The following KLHL29 variants were observed in gnomAD, a reference collection of about 807,000 sequenced individuals.
KLHL29 encodes the protein kelch like family member 29, also known as kelch-like protein 29.
A neutral mutation model predicts 80.4 loss-of-function variants in KLHL29; 21 were observed. That is an observed-to-expected ratio of 0.26 (90% CI 0.19 to 0.38). KLHL29 has a LOEUF of 0.38. KLHL29 is among the 10% of genes least tolerant of loss of function. The pLI, the probability that KLHL29 is intolerant of heterozygous loss-of-function variation, is 1.00. For synonymous variants in KLHL29, 511 were observed against 526.8 expected (o/e 0.97, Z 0.41); for missense variants, 867 against 1,223.9 (o/e 0.71, Z 4.35).
chr2:23,562,486 G>C lies in KLHL29; in HGVS notation c.285+5G>C. 1 of 1,535,466 alleles carries C rather than the reference G, an allele frequency of 6.5e-7. No homozygotes were observed. Among genetic ancestry groups the C allele is most frequent in the East Asian group, 2.4e-5 (1 of 40,888 alleles). On this transcript the variant is annotated splice_donor_5th_base_variant and intron_variant, in intron 3 of 13. Transcript: ENST00000486442. The surrounding 1 kb of genome is among the most constrained non-coding windows in gnomAD (Gnocchi z 4.5). Reference sequence around the variant, plus strand: ...GCGTCTGCGGTCACCACCAAGGTAAGATGTGGTGTCATCTCTGAGCAGGAG... The same window carrying C: ...GCGTCTGCGGTCACCACCAAGGTAACATGTGGTGTCATCTCTGAGCAGGAG...
intron 3 of KLHL29, among the ~76,000 whole-genome samples, chr2:23,576,604 G>A (rs948502600): frequency 6.6e-6 from 1 of 152,196 alleles, no homozygotes; most frequent in Non-Finnish European, 1.5e-5. Context: ...TGAGATCCCA[G>A]CAGTTCCCTC....
chr2:23,496,526 C>A (rs1449198806), intron 2 of KLHL29, among the ~76,000 whole-genome samples: 1 of 152,152 alleles, frequency 6.6e-6, no homozygotes, highest in African/African-American at 2.4e-5. Flanking sequence ...TGTTTTCCCC[C>A]AAAAAGGGTA....
intron 1 of KLHL29, among the ~76,000 whole-genome samples, chr2:23,462,906 G>A (rs1664254036): frequency 6.6e-6 from 1 of 152,100 alleles, no homozygotes; most frequent in South Asian, 2.1e-4. Flanking sequence ...AGGCCAAGGT[G>A]GGAGGATTGC....
At chr2:23,513,225 A>G (rs867345532) in intron 2 of KLHL29, among the ~76,000 whole-genome samples, 1 of 152,240 alleles carries the variant, frequency 6.6e-6, no homozygotes, top group South Asian at 2.1e-4. Flanking sequence ...GCTGACTCCT[A>G]TTTTGGGACT....
At chr2:23,430,928 G>A (rs1388409417) in intron 1 of KLHL29, among the ~76,000 whole-genome samples, 6 of 152,230 alleles carry the variant, frequency 3.9e-5, no homozygotes, top group Admixed American at 2.0e-4. Context: ...GACAAACACA[G>A]TTAGACCTTA....
At chr2:23,594,994 A>G (rs1668361414) in intron 3 of KLHL29, among the ~76,000 whole-genome samples, 2 of 152,224 alleles carry the variant, frequency 1.3e-5, no homozygotes, top group Admixed American at 1.3e-4. Flanking sequence ...TAAATAATAT[A>G]GTTTTTAATT....
At chr2:23,531,073 C>G (rs1666475166) in intron 2 of KLHL29, among the ~76,000 whole-genome samples, 1 of 151,974 alleles carries the variant, frequency 6.6e-6, no homozygotes, top group Non-Finnish European at 1.5e-5. Flanking sequence ...CAGGTTGACA[C>G]CTGGATGCAC....
chr2:23,545,297 A>G (rs959114098), intron 2 of KLHL29, among the ~76,000 whole-genome samples: 15 of 152,224 alleles, frequency 9.9e-5, no homozygotes, highest in Non-Finnish European at 2.1e-4. Context: ...TCCAAGCACC[A>G]CCACTTCCCC....
intron 5 of KLHL29, among the ~76,000 whole-genome samples, chr2:23,663,401 C>T (rs1402301503): frequency 6.6e-6 from 1 of 152,212 alleles, no homozygotes; most frequent in Non-Finnish European, 1.5e-5. Context: ...GAGGTGGTGA[C>T]GCGTCCACTC....
At chr2:23,460,898 TC>T (rs1192448910) in intron 1 of KLHL29, among the ~76,000 whole-genome samples, 2 of 152,122 alleles carry the variant, frequency 1.3e-5, no homozygotes, top group Non-Finnish European at 2.9e-5. Flanking sequence ...TTCCAGCAGT[TC>T]CGGGCAGAGG....
intron 2 of KLHL29, among the ~76,000 whole-genome samples, chr2:23,479,732 C>G (rs776568766): frequency 6.6e-6 from 1 of 152,152 alleles, no homozygotes; most frequent in African/African-American, 2.4e-5. Context: ...GCCTTGTACT[C>G]GTACTGTCTC....
At chr2:23,441,469 T>C (rs1218380412) in intron 1 of KLHL29, among the ~76,000 whole-genome samples, 2 of 151,074 alleles carry the variant, frequency 1.3e-5, no homozygotes, top group Non-Finnish European at 2.9e-5. Flanking sequence ...CCCTAAAACT[T>C]AAAGTATAAT....
chr2:23,614,678 G>C (rs138396947), intron 3 of KLHL29, among the ~76,000 whole-genome samples: 1 of 152,136 alleles, frequency 6.6e-6, no homozygotes, highest in African/African-American at 2.4e-5. Flanking sequence ...TTAGCTGTGA[G>C]ATTTGAAATA....
intron 1 of KLHL29, among the ~76,000 whole-genome samples, chr2:23,433,023 G>A (rs1306604020): frequency 6.6e-6 from 1 of 152,198 alleles, no homozygotes. Flanking sequence ...GGGTCCTGGT[G>A]CTGATTCCTT....
chr2:23,538,002 C>G (rs1410749642), intron 2 of KLHL29, among the ~76,000 whole-genome samples: 1 of 152,196 alleles, frequency 6.6e-6, no homozygotes, highest in African/African-American at 2.4e-5. Flanking sequence ...TCCAGAAGCA[C>G]TGAGGGTACC....
At chr2:23,614,220 T>A (rs546494934) in intron 3 of KLHL29, among the ~76,000 whole-genome samples, 7 of 152,348 alleles carry the variant, frequency 4.6e-5, no homozygotes, top group Admixed American at 1.3e-4. Context: ...ATATATTGAT[T>A]GATGTCTCAT....
At chr2:23,674,192 C>G (rs997611942) in intron 5 of KLHL29, among the ~76,000 whole-genome samples, 2 of 152,192 alleles carry the variant, frequency 1.3e-5, no homozygotes, top group Non-Finnish European at 2.9e-5. Flanking sequence ...AAACTGTGAG[C>G]TCCCCAGCTC....
chr2:23,435,184 G>A lies in KLHL29; in HGVS notation c.-153-40376G>A, dbSNP rs138285079. Among the ~76,000 whole-genome samples, 226 of 152,282 alleles carry A rather than the reference G, an allele frequency of 1.5e-3. 1 individual carries two copies. Among genetic ancestry groups the A allele is most frequent in the African/African-American group, 5.3e-3 (221 of 41,560 alleles). On this transcript the variant is annotated intron_variant, in intron 1 of 13. Coordinates refer to ENST00000486442, the MANE Select transcript of KLHL29 (RefSeq NM_052920.2). ...GAATGGGGACTGGTGCCATGGAGAC[G>A]GGGAATGTATGGTGTTGGGTAAGGT... is the stretch of plus-strand genomic sequence containing the variant.
In KLHL29 at chr2:23,693,352, A is replaced by C. The variant is rs756193229; in HGVS notation, c.1366A>C (p.Lys456Gln). The change falls in exon 8 of 14, where the codon AAG becomes CAG. Residue 456 changes from lysine (K) to glutamine (Q), a missense_variant. Physicochemically the swap from Lys to Gln is moderately conservative, Grantham distance 53. Coordinates refer to ENST00000486442, the MANE Select transcript of KLHL29 (RefSeq NM_052920.2). ...GTGCAGCGAGCTCTACCACATGGCC[A>C]AGGCCTTCGCGCTGCAGATCTTCCC... ...MQCSELYHMAKAFALQIFPEV... is the reference protein window; with the variant it reads ...MQCSELYHMAQAFALQIFPEV... 6.4e-7 allele frequency: 1 copy of C among 1,551,490 alleles called. No individual in the cohort carries two copies. The highest frequency in any genetic ancestry group is 8.7e-7 in the Non-Finnish European group (1 of 1,146,988).
Sources: allele counts gnomAD v4.1 joint callset (sites outside exome capture counted in the v4.1 genomes callset), GRCh38; gene constraint gnomAD v4.1.1; non-coding constraint Gnocchi (gnomAD v3.1); transcripts MANE v1.5; gene names NCBI Gene and HGNC (gene_info 2026-07-23, HGNC 2026-07-21).